Variants in PCDHGA2 observed in about 807,000 individuals in gnomAD.
PCDHGA2 encodes the protein protocadherin gamma-A2.
Under a neutral mutation model 59.2 loss-of-function variants are expected in PCDHGA2, and 40 were observed. That is an observed-to-expected ratio of 0.68 (90% CI 0.52 to 0.88). The LOEUF (loss-of-function observed/expected upper bound fraction) is 0.88. Ranked by LOEUF, PCDHGA2 falls within the 40% of genes least tolerant of loss-of-function variation. The probability of loss-of-function intolerance (pLI) is 0.00; values close to 1 mark genes in which losing one functional copy is unlikely to be tolerated. For synonymous variants in PCDHGA2, 560 were observed against 526.0 expected, an observed-to-expected ratio of 1.06 and a Z score of -0.89; for missense variants, 1,226 against 1,204.0, an observed-to-expected ratio of 1.02 and a Z score of -0.27.
intron 1 of PCDHGA2, chr5:141,400,231 G>C: frequency 6.2e-7 from 1 of 1,613,988 alleles, no homozygotes; most frequent in South Asian, 1.1e-5. Context: ...CTTCCTCCTG[G>C]CCGTGATTCT....
At chr5:141,350,322 C>CTT in intron 1 of PCDHGA2, 1 of 1,532,296 alleles carries the variant, frequency 6.5e-7, no homozygotes, top group Non-Finnish European at 8.8e-7. Context: ...TTCCTGCTGT[C>CTT]TTTGTTCTGC....
intron 1 of PCDHGA2, among the ~76,000 whole-genome samples, chr5:141,347,217 G>C (rs1757935730): frequency 7.7e-6 from 1 of 130,632 alleles, no homozygotes; most frequent in Non-Finnish European, 1.6e-5. Flanking sequence ...GCAGTGGCAT[G>C]ATCACGGCTC....
chr5:141,375,429 C>T (rs1049627462), intron 1 of PCDHGA2: 1 of 1,613,840 alleles, frequency 6.2e-7, no homozygotes, highest in African/African-American at 1.3e-5. Context: ...AACGACAACC[C>T]GCCCACCTTC....
At chr5:141,435,334 T>C (rs1223377462) in intron 1 of PCDHGA2, among the ~76,000 whole-genome samples, 1 of 152,196 alleles carries the variant, frequency 6.6e-6, no homozygotes, top group East Asian at 1.9e-4. Context: ...ATATAGTGAA[T>C]TTATTTCTTC....
intron 1 of PCDHGA2, chr5:141,393,008 T>C: frequency 1.2e-6 from 2 of 1,613,876 alleles, no homozygotes. Flanking sequence ...ACGGAGTCCG[T>C]ATCGTCTCCA....
At chr5:141,394,338 T>C in intron 1 of PCDHGA2, 2 of 1,614,048 alleles carry the variant, frequency 1.2e-6, no homozygotes, top group Non-Finnish European at 1.7e-6. Flanking sequence ...CTCCATCAAC[T>C]CTGACACCGG....
intron 1 of PCDHGA2, chr5:141,407,965 G>A (rs2095011875): frequency 4.4e-6 from 3 of 688,096 alleles, no homozygotes; most frequent in Non-Finnish European, 6.9e-6. Flanking sequence ...CAGAGCAAGC[G>A]CTGACGCCGG....
At chr5:141,421,119 C>A (rs542039688) in intron 1 of PCDHGA2, 2 of 772,768 alleles carry the variant, frequency 2.6e-6, no homozygotes, top group South Asian at 1.9e-5. Flanking sequence ...TATTTTCCTT[C>A]GCTTTCTGAT....
At chr5:141,387,666 A>C (rs1286333740) in intron 1 of PCDHGA2, 1 of 683,200 alleles carries the variant, frequency 1.5e-6, no homozygotes, top group African/African-American at 1.8e-5. Flanking sequence ...TTGGCGCTCC[A>C]GATCTCCTCG....
chr5:141,390,144 G>A, intron 1 of PCDHGA2: 1 of 1,614,036 alleles, frequency 6.2e-7, no homozygotes, highest in South Asian at 1.1e-5. Context: ...CAATCTATGT[G>A]TTGCACATAC....
At chr5:141,413,858 G>A (rs751172785) in intron 1 of PCDHGA2, 28 of 1,613,140 alleles carry the variant, frequency 1.7e-5, no homozygotes, top group African/African-American at 4.0e-5. Context: ...CTCCGATCTG[G>A]CACTGTCCTT....
chr5:141,488,634 G>A (rs937680420), intron 1 of PCDHGA2, among the ~76,000 whole-genome samples: 4 of 152,150 alleles, frequency 2.6e-5, no homozygotes, highest in Non-Finnish European at 4.4e-5. Context: ...CACCTTAGCA[G>A]CATTCAGCAG....
chr5:141,383,466 T>G (rs1469908164), intron 1 of PCDHGA2: 1 of 1,613,798 alleles, frequency 6.2e-7, no homozygotes, highest in South Asian at 1.1e-5. Context: ...ACGATGAAAC[T>G]AAGTACCCGG....
chr5:141,398,787 A>T, intron 1 of PCDHGA2: 1 of 1,613,902 alleles, frequency 6.2e-7, no homozygotes, highest in African/African-American at 1.3e-5. Flanking sequence ...GTGGACATCC[A>T]CCCCTAAGCG....
rs1760455892 is a variant in PCDHGA2 at position 141,357,080 on chromosome 5, G to A, written c.2424+15685G>A. The A allele has an allele frequency of 3.1e-6, 5 of 1,613,806 alleles. No homozygotes were observed. In the African/African-American group the frequency reaches 4.0e-5, roughly 13 times the overall value. On this transcript the variant is annotated intron_variant, in intron 1 of 3. Transcript: ENST00000394576. ...GTGGGGCTGCACACAGGCGAGGTGC[G>A]CACCGCACGGGCCCTGCTGGACAGA...
chr5:141,351,052 A>G, intron 1 of PCDHGA2: 2 of 1,614,094 alleles, frequency 1.2e-6, no homozygotes, highest in Non-Finnish European at 1.7e-6. Flanking sequence ...TGATGGCCAC[A>G]GACCAGGATG....
At chr5:141,361,830 C>G (rs760465689) in intron 1 of PCDHGA2, 4 of 1,612,982 alleles carry the variant, frequency 2.5e-6, no homozygotes, top group East Asian at 2.2e-5. Context: ...TGCTGTACCC[C>G]GCGCTGGGGC....
At chr5:141,371,101 A>T (rs766194298) in intron 1 of PCDHGA2, 2 of 1,613,794 alleles carry the variant, frequency 1.2e-6, no homozygotes, top group South Asian at 1.1e-5. Context: ...GCAGATGCAA[A>T]TGATAACCCC....
rs762908598 is a variant in PCDHGA2 at position 141,491,157 on chromosome 5, T to A, written c.2425-3650T>A. The A allele has an allele frequency of 3.7e-6, 6 of 1,614,108 alleles. No homozygotes were observed. The Admixed American group carries it at 8.3e-5, about 22-fold the overall frequency. On this transcript the variant is annotated intron_variant, in intron 1 of 3. Transcript: ENST00000394576. The surrounding 1 kb of genome is among the most constrained non-coding windows in gnomAD (Gnocchi z 6.9). ...CCCGGGCCTTACTGGAGGATGACTC[T>A]GACACCCAGCAGGTGGTGGTCCTGG...
Sources: gnomAD v4.1 joint callset for allele counts (sites outside exome capture counted in the v4.1 genomes callset) on GRCh38, gnomAD v4.1.1 for gene constraint, Gnocchi (gnomAD v3.1) non-coding constraint, MANE v1.5 for transcripts, NCBI Gene and HGNC (gene_info 2026-07-23, HGNC 2026-07-21) for gene names.